MBNL1: variants seen among roughly 807,000 people sequenced by gnomAD.
The protein encoded by MBNL1 is muscleblind like splicing regulator 1.
A neutral mutation model predicts 42.2 loss-of-function variants in MBNL1; 8 were observed. The ratio of observed to expected loss-of-function variants is 0.19; its 90% CI spans 0.11 to 0.34. The LOEUF (loss-of-function observed/expected upper bound fraction) is 0.34. MBNL1 is among the 10% of genes least tolerant of loss of function. The probability of loss-of-function intolerance (pLI) is 1.00; values close to 1 mark genes in which losing one functional copy is unlikely to be tolerated. For synonymous variants in MBNL1, 169 were observed against 173.9 expected (o/e 0.97, Z 0.22); for missense variants, 309 against 495.3 (o/e 0.62, Z 3.57).
intron 9 of MBNL1, among the ~76,000 whole-genome samples, chr3:152,461,042 G>A (rs1329439890): frequency 6.6e-6 from 1 of 152,150 alleles, no homozygotes; most frequent in East Asian, 1.9e-4. Context: ...GACAATGAAG[G>A]TGTTGTTCTA....
intron 1 of MBNL1, among the ~76,000 whole-genome samples, chr3:152,297,990 T>C (rs1384561923): frequency 6.6e-6 from 1 of 152,206 alleles, no homozygotes; most frequent in Non-Finnish European, 1.5e-5. Flanking sequence ...GTAGTCGTAC[T>C]GTAGTATTTT....
At chr3:152,434,936 AT>A (rs2099058226) in intron 4 of MBNL1, among the ~76,000 whole-genome samples, 1 of 152,064 alleles carries the variant, frequency 6.6e-6, no homozygotes, top group African/African-American at 2.4e-5. Context: ...CAGATTCTAG[AT>A]ATTAGACCTT....
intron 2 of MBNL1, among the ~76,000 whole-genome samples, chr3:152,256,759 T>C (rs2035494580): frequency 6.6e-6 from 1 of 152,170 alleles, no homozygotes; most frequent in South Asian, 2.1e-4. Flanking sequence ...AATATTTATT[T>C]GTTAGGAATG....
intron 2 of MBNL1, among the ~76,000 whole-genome samples, chr3:152,341,392 TTAAG>T (rs1388776426): frequency 6.6e-6 from 1 of 152,246 alleles, no homozygotes; most frequent in Non-Finnish European, 1.5e-5. Flanking sequence ...AAAAAATAGT[TTAAG>T]TACTTTTAGA....
chr3:152,260,572 C>A (rs911822090), intron 2 of MBNL1, among the ~76,000 whole-genome samples: 1 of 152,062 alleles, frequency 6.6e-6, no homozygotes, highest in African/African-American at 2.4e-5. Flanking sequence ...ATATGTATAT[C>A]TTCAAAAGGA....
intron 2 of MBNL1, among the ~76,000 whole-genome samples, chr3:152,250,882 T>C (rs1009645934): frequency 6.6e-6 from 1 of 152,108 alleles, no homozygotes; most frequent in Admixed American, 6.6e-5. Context: ...GATAATCATG[T>C]GGTTTTTGTC....
intron 6 of MBNL1, among the ~76,000 whole-genome samples, chr3:152,451,812 ATTATCT>A: frequency 6.6e-6 from 1 of 152,094 alleles, no homozygotes; most frequent in Non-Finnish European, 1.5e-5. Flanking sequence ...CTTTGCCTAC[ATTATCT>A]CATTTTTTTT....
At chr3:152,284,584 T>C (rs2050443645) in intron 1 of MBNL1, among the ~76,000 whole-genome samples, 1 of 152,082 alleles carries the variant, frequency 6.6e-6, no homozygotes, top group African/African-American at 2.4e-5. Flanking sequence ...AAACTGAAAT[T>C]ACTTTTGCAC....
intron 2 of MBNL1, among the ~76,000 whole-genome samples, chr3:152,400,421 A>G (rs2098164790): frequency 6.6e-6 from 1 of 152,328 alleles, no homozygotes; most frequent in African/African-American, 2.4e-5. Flanking sequence ...CTAGCCCTTG[A>G]TGGGTGATAA....
intron 3 of MBNL1, among the ~76,000 whole-genome samples, chr3:152,421,208 C>T (rs191081890): frequency 6.6e-6 from 1 of 152,240 alleles, no homozygotes; most frequent in African/African-American, 2.4e-5. Flanking sequence ...GGATATTAGC[C>T]AGAACTTCCC....
chr3:152,391,405 A>G (rs2153475141), intron 2 of MBNL1, among the ~76,000 whole-genome samples: 1 of 152,268 alleles, frequency 6.6e-6, no homozygotes, highest in Admixed American at 6.5e-5. Flanking sequence ...TTTTGACACT[A>G]CCTTTCAAAT....
At chr3:152,291,714 G>A (rs2056117439) in intron 1 of MBNL1, among the ~76,000 whole-genome samples, 2 of 152,310 alleles carry the variant, frequency 1.3e-5, no homozygotes, top group African/African-American at 2.4e-5. Flanking sequence ...AGCAGATAGC[G>A]AGATAAGCGT....
At chr3:152,313,374 C>T (rs2068257326) in intron 2 of MBNL1, among the ~76,000 whole-genome samples, 1 of 152,120 alleles carries the variant, frequency 6.6e-6, no homozygotes, top group African/African-American at 2.4e-5. Flanking sequence ...GAGCCTAAAC[C>T]GTGGATTCAG....
At chr3:152,312,992 CA>C (rs1560099114) in intron 2 of MBNL1, among the ~76,000 whole-genome samples, 1 of 151,388 alleles carries the variant, frequency 6.6e-6, no homozygotes, top group South Asian at 2.1e-4. Context: ...AGAATAATTG[CA>C]AAAAGCCACA....
At chr3:152,345,204 A>C (rs1313561166) in intron 2 of MBNL1, among the ~76,000 whole-genome samples, 1 of 152,110 alleles carries the variant, frequency 6.6e-6, no homozygotes, top group African/African-American at 2.4e-5. Context: ...TTAACTACCA[A>C]AAGTTAAACT....
At chr3:152,313,692 T>C (rs181147038) in intron 2 of MBNL1, among the ~76,000 whole-genome samples, 1 of 152,248 alleles carries the variant, frequency 6.6e-6, no homozygotes, top group Non-Finnish European at 1.5e-5. Context: ...TTTGTCATTA[T>C]GCACATTGCA....
chr3:152,449,754 T>C (rs978687706), intron 6 of MBNL1, among the ~76,000 whole-genome samples: 6 of 152,194 alleles, frequency 3.9e-5, no homozygotes, highest in Non-Finnish European at 8.8e-5. Context: ...TTTTAAGATA[T>C]ATTTGCATTT....
At chr3:152,268,418 C>T (rs927514595), upstream of MBNL1, 4 of 247,652 alleles carry the variant, frequency 1.6e-5, no homozygotes, top group Non-Finnish European at 3.3e-5. Context: ...GCGGCAGTCT[C>T]ACCAGATCGC....
chr3:152,386,490 T>C (rs1156230962), intron 2 of MBNL1, among the ~76,000 whole-genome samples: 3 of 152,100 alleles, frequency 2.0e-5, no homozygotes, highest in Non-Finnish European at 2.9e-5. Flanking sequence ...CTTGGGTACA[T>C]TGAATTGTTA....
Sources: gnomAD v4.1 joint callset for allele counts (sites outside exome capture counted in the v4.1 genomes callset) on GRCh38, gnomAD v4.1.1 for gene constraint, MANE v1.5 for transcripts, NCBI Gene and HGNC (gene_info 2026-07-23, HGNC 2026-07-21) for gene names.